Variants in UBQLN1 observed in about 807,000 individuals in gnomAD.
UBQLN1 encodes ubiquilin-1.
A neutral mutation model predicts 65.4 loss-of-function variants in UBQLN1; 13 were observed. That is an observed-to-expected ratio of 0.20 (90% CI 0.13 to 0.32). The LOEUF is 0.32. Ranked by LOEUF, UBQLN1 falls within the 10% of genes least tolerant of loss-of-function variation. The pLI, the probability that UBQLN1 is intolerant of heterozygous loss-of-function variation, is 1.00. For synonymous variants in UBQLN1, 267 were observed against 247.8 expected (o/e 1.08, Z -0.73); for missense variants, 561 against 724.0 (o/e 0.77, Z 2.58).
At chr9:83,673,411 G>C (rs1428082419) in intron 6 of UBQLN1, among the ~76,000 whole-genome samples, 5 of 151,612 alleles carry the variant, frequency 3.3e-5, no homozygotes, top group East Asian at 3.9e-4. Flanking sequence ...CAGGTGTGGT[G>C]GTGGGTGCCT....
chr9:83,673,548 A>T (rs1346921867), intron 6 of UBQLN1, among the ~76,000 whole-genome samples: 1 of 57,824 alleles, frequency 1.7e-5, no homozygotes, highest in South Asian at 7.3e-4. Context: ...CGGTCTTTTA[A>T]AAAAAAAAAA....
At chr9:83,682,367 CCAG>C (rs1405032785) in intron 3 of UBQLN1, among the ~76,000 whole-genome samples, 1 of 151,638 alleles carries the variant, frequency 6.6e-6, no homozygotes, top group Non-Finnish European at 1.5e-5. Flanking sequence ...CATCTGTAAC[CCAG>C]CATTTTGGGA....
At chr9:83,667,911 TTTTG>T (rs1174085983) in intron 7 of UBQLN1, 3 of 751,510 alleles carry the variant, frequency 4.0e-6, no homozygotes, top group Middle Eastern at 6.0e-4. Flanking sequence ...ACTAGCAACA[TTTTG>T]TTTTAGAGTA....
chr9:83,682,762 G>A (rs960719570), intron 3 of UBQLN1, among the ~76,000 whole-genome samples, 189 bp downstream of exon 3: 13 of 151,120 alleles, frequency 8.6e-5, no homozygotes, highest in African/African-American at 2.9e-4. Flanking sequence ...GGCGCCAACT[G>A]ATATGTAAGA....
At chr9:83,686,470 T>C (rs1210333837) in intron 1 of UBQLN1, among the ~76,000 whole-genome samples, 4 of 152,198 alleles carry the variant, frequency 2.6e-5, no homozygotes, top group East Asian at 1.9e-4. Flanking sequence ...ATCTTGATGT[T>C]AGTAAGAAAT....
At chr9:83,691,564 T>C (rs1832129756) in intron 1 of UBQLN1, among the ~76,000 whole-genome samples, 1 of 152,098 alleles carries the variant, frequency 6.6e-6, no homozygotes, top group Non-Finnish European at 1.5e-5. Flanking sequence ...TGCAGTAGAG[T>C]AGGACACTAC....
intron 1 of UBQLN1, among the ~76,000 whole-genome samples, chr9:83,688,013 T>G (rs1285639717): frequency 6.6e-6 from 1 of 152,236 alleles, no homozygotes; most frequent in African/African-American, 2.4e-5. Context: ...ACCATTTGCA[T>G]GATATTCTAT....
At chr9:83,663,778 T>C (rs1831599468) in intron 10 of UBQLN1, 97 bp downstream of exon 10, 6 of 1,327,850 alleles carry the variant, frequency 4.5e-6, no homozygotes, top group Non-Finnish European at 4.1e-6. Context: ...ACCTAAGAAC[T>C]ACTGCTTTCC....
rs532399772 is a variant in UBQLN1, at chr9:83,679,689, T to C, written c.711+86A>G. The stretch of plus-strand genomic sequence containing the variant: ...TTTCTCTCTTTAGCTTAACCATACA[T>C]ACAGGACAATCTCATTAACCACAGA... On this transcript the variant is annotated intron_variant, in intron 4 of 10. Coordinates refer to ENST00000376395, the MANE Select transcript of UBQLN1 (RefSeq NM_013438.5). 708 of 1,428,864 alleles carry C rather than the reference T, an allele frequency of 5.0e-4. 9 individuals are homozygous for C. In the African/African-American group the frequency reaches 8.4e-3, roughly 17 times the overall value. The allele number at this position is 1,428,864 out of a possible 1,614,324, so 88.5% of individuals were successfully genotyped here. A position where few individuals can be genotyped will look rare whatever the true frequency, so the allele number is the denominator to read the frequency against.
At chr9:83,677,406 T>C (rs934584124) in intron 6 of UBQLN1, among the ~76,000 whole-genome samples, 2 of 151,884 alleles carry the variant, frequency 1.3e-5, no homozygotes, top group Non-Finnish European at 2.9e-5. Flanking sequence ...CTACTAAAAA[T>C]ACAAAATTAG....
chr9:83,699,199 G>A (rs1832271057), intron 1 of UBQLN1, among the ~76,000 whole-genome samples: 1 of 152,276 alleles, frequency 6.6e-6, no homozygotes, highest in East Asian at 1.9e-4. Flanking sequence ...CAATGTGAAT[G>A]TACTTAATGT....
intron 3 of UBQLN1, 76 bp downstream of exon 3, chr9:83,682,875 C>A: frequency 1.5e-6 from 1 of 655,602 alleles, no homozygotes. Flanking sequence ...TTTATTTTCT[C>A]ATTTTATCTG....
In UBQLN1 at chr9:83,671,670, CTTTTT is replaced by C. The variant is rs563313175; in HGVS notation, c.1106-2348_1106-2344del. On this transcript the variant is annotated intron_variant, in intron 6 of 10. Coordinates refer to ENST00000376395, the MANE Select transcript of UBQLN1 (RefSeq NM_013438.5). ...ATGTGCTGTCATCCAGGCTTTTTTTCTTTTTTTCTTTTTTTTCCTGTTTACAGAGC... is the reference window on the plus strand; with the variant it reads ...ATGTGCTGTCATCCAGGCTTTTTTTCTTCTTTTTTTTCCTGTTTACAGAGC... Among the ~76,000 whole-genome samples, 192 of 152,014 alleles carry C rather than the reference CTTTTT, an allele frequency of 1.3e-3. 1 individual carries two copies. Among genetic ancestry groups the C allele is most frequent in the Middle Eastern group, 3.4e-3 (1 of 294 alleles).
intron 6 of UBQLN1, among the ~76,000 whole-genome samples, chr9:83,670,314 G>A (rs62559843): frequency 6.6e-6 from 1 of 151,980 alleles, no homozygotes; most frequent in South Asian, 2.1e-4. Flanking sequence ...TATCTTTCTA[G>A]TTTATTATAA....
At chr9:83,704,022 G>T (rs970992607) in intron 1 of UBQLN1, among the ~76,000 whole-genome samples, 1 of 152,154 alleles carries the variant, frequency 6.6e-6, no homozygotes, top group Admixed American at 6.5e-5. Flanking sequence ...AATACTTATT[G>T]AAAGAAATTT....
intron 1 of UBQLN1, among the ~76,000 whole-genome samples, chr9:83,706,348 T>C (rs1053279915): frequency 2.6e-5 from 4 of 152,182 alleles, no homozygotes; most frequent in Non-Finnish European, 4.4e-5. Flanking sequence ...TGCTTGAAAA[T>C]ACAAAAATGG....
In UBQLN1 at chr9:83,663,740, T is replaced by G. The variant is rs1484845565; in HGVS notation, c.1617+135A>C. 1.0e-5 allele frequency: 10 copies of G among 977,174 alleles called. No individual in the cohort carries two copies. In the East Asian group the frequency reaches 2.6e-4, roughly 26 times the overall value. The allele number at this position is 977,174 out of a possible 1,614,324, so 60.5% of individuals were successfully genotyped here. A position where few individuals can be genotyped will look rare whatever the true frequency, so the allele number is the denominator to read the frequency against. The stretch of plus-strand genomic sequence containing the variant: ...TGCCTGTTTTCTTACTCAATATCCT[T>G]AAGACTGTATTTTTCATTAATCTAA... On this transcript the variant is annotated intron_variant, in intron 10 of 10. Coordinates refer to ENST00000376395, the MANE Select transcript of UBQLN1 (RefSeq NM_013438.5).
chr9:83,667,915 G>A, intron 7 of UBQLN1: 1 of 963,914 alleles, frequency 1.0e-6, no homozygotes, highest in Non-Finnish European at 1.2e-6. Flanking sequence ...GCAACATTTT[G>A]TTTTAGAGTA....
chr9:83,681,732 T>C (rs1397438161), intron 3 of UBQLN1, among the ~76,000 whole-genome samples: 1 of 152,250 alleles, frequency 6.6e-6, no homozygotes, highest in African/African-American at 2.4e-5. Context: ...AGCCTTATTA[T>C]TTCTTTTGCA....
Sources: gnomAD v4.1 joint callset for allele counts (sites outside exome capture counted in the v4.1 genomes callset) on GRCh38, gnomAD v4.1.1 for gene constraint, MANE v1.5 for transcripts, NCBI Gene and HGNC (gene_info 2026-07-23, HGNC 2026-07-21) for gene names.